RNF2: variants seen among roughly 807,000 people sequenced by gnomAD.
RNF2 encodes ring finger protein 2, also known as E3 ubiquitin-protein ligase RING2.
A neutral mutation model predicts 37.2 loss-of-function variants in RNF2; 6 were observed. That is an observed-to-expected ratio of 0.16 (90% CI 0.09 to 0.32). The LOEUF is 0.32. Ranked by LOEUF, RNF2 falls within the 10% of genes least tolerant of loss-of-function variation. The pLI, the probability that RNF2 is intolerant of heterozygous loss-of-function variation, is 1.00. For missense variants in RNF2, 251 were observed against 404.0 expected (o/e 0.62, Z 3.25); for synonymous variants, 133 against 132.7 (o/e 1.00, Z -0.02).
intron 1 of RNF2, among the ~76,000 whole-genome samples, chr1:185,062,274 T>C (rs1277131893): frequency 6.6e-6 from 1 of 152,212 alleles, no homozygotes; most frequent in Non-Finnish European, 1.5e-5. Context: ...AATCAGGCAA[T>C]CATTTATTGT....
chr1:185,095,379 A>G (rs1651883216), intron 4 of RNF2, among the ~76,000 whole-genome samples: 1 of 152,216 alleles, frequency 6.6e-6, no homozygotes, highest in African/African-American at 2.4e-5. Context: ...TTGTACTTAC[A>G]CTACTCTATT....
At chr1:185,055,918 A>T (rs1266367739) in intron 1 of RNF2, among the ~76,000 whole-genome samples, 3 of 152,162 alleles carry the variant, frequency 2.0e-5, no homozygotes, top group African/African-American at 7.2e-5. Context: ...GCTTTTTTTT[A>T]ATGTAGATAG....
At chr1:185,072,576 CAGA>C (rs1284870646) in intron 1 of RNF2, among the ~76,000 whole-genome samples, 1 of 151,852 alleles carries the variant, frequency 6.6e-6, no homozygotes, top group Non-Finnish European at 1.5e-5. Context: ...CCTTTCCAAG[CAGA>C]AGGACTAGCT....
intron 2 of RNF2, 30 bp from the exon 3 acceptor site, chr1:185,091,549 G>C (rs1651765515): frequency 6.2e-7 from 1 of 1,603,014 alleles, no homozygotes; most frequent in Non-Finnish European, 8.5e-7. Flanking sequence ...AAATTAAGTA[G>C]CTTTTAATTT....
At chr1:185,095,021 G>A (rs1326627269) in intron 4 of RNF2, among the ~76,000 whole-genome samples, 1 of 152,192 alleles carries the variant, frequency 6.6e-6, no homozygotes, top group African/African-American at 2.4e-5. Context: ...TAATTCTGGA[G>A]TGTAGTCAAG....
intron 1 of RNF2, among the ~76,000 whole-genome samples, chr1:185,061,532 A>G (rs761930070): frequency 2.0e-5 from 3 of 152,186 alleles, no homozygotes; most frequent in Non-Finnish European, 4.4e-5. Flanking sequence ...TGTTTCAAAT[A>G]CATATGCAAT....
At chr1:185,076,265 G>GTTTTTTTTT (rs1557967374) in intron 1 of RNF2, among the ~76,000 whole-genome samples, 2 of 39,540 alleles carry the variant, frequency 5.1e-5, no homozygotes, top group African/African-American at 8.2e-5. Flanking sequence ...TCTTTTATGG[G>GTTTTTTTTT]TTGTTTTTTT....
At chr1:185,071,883 G>T (rs1650986858) in intron 1 of RNF2, 1 of 152,374 alleles carries the variant, frequency 6.6e-6, no homozygotes, top group Non-Finnish European at 1.5e-5. Flanking sequence ...CCTCTTTGTT[G>T]GTTGTGCAGC....
At chr1:185,063,299 G>A (rs1264576544) in intron 1 of RNF2, among the ~76,000 whole-genome samples, 1 of 152,156 alleles carries the variant, frequency 6.6e-6, no homozygotes, top group Non-Finnish European at 1.5e-5. Flanking sequence ...TTAAACTGGG[G>A]GTGGATGAGG....
Position 185,064,690 on chromosome 1 carries a change from A to G in RNF2, c.-3+19041A>G, listed in dbSNP as rs1012621117. Reference sequence around the variant, plus strand: ...GAGCATCTTTATTGTTATCTTAATAATATTTTGTCTTCAAATCCATGAACA... The same window carrying G: ...GAGCATCTTTATTGTTATCTTAATAGTATTTTGTCTTCAAATCCATGAACA... On this transcript the variant is annotated intron_variant, in intron 1 of 6. Transcript: ENST00000367510. 2.2e-4 allele frequency among the ~76,000 whole-genome samples: 33 copies of G among 149,384 alleles called. No individual in the cohort carries two copies. The East Asian group carries it at 6.4e-3, about 29-fold the overall frequency.
chr1:185,050,048 A>G (rs1234131631), intron 1 of RNF2, among the ~76,000 whole-genome samples: 3 of 152,196 alleles, frequency 2.0e-5, no homozygotes, highest in African/African-American at 7.2e-5. Context: ...AGAGTCTGGG[A>G]GGGTAGTTTT....
intron 1 of RNF2, among the ~76,000 whole-genome samples, chr1:185,082,693 T>C (rs1651464354): frequency 2.0e-5 from 3 of 152,110 alleles, no homozygotes; most frequent in Admixed American, 2.0e-4. Flanking sequence ...GCCCTGTACG[T>C]TCGTTAGCAG....
intron 1 of RNF2, among the ~76,000 whole-genome samples, chr1:185,075,771 C>T (rs1156907968): frequency 6.6e-6 from 1 of 152,210 alleles, no homozygotes; most frequent in Non-Finnish European, 1.5e-5. Flanking sequence ...GATCCAGTCA[C>T]CTCCCACCAG....
rs368940635 is a variant in RNF2 at position 185,064,869 on chromosome 1, C to T, written c.-3+19220C>T. 6.9e-4 allele frequency among the ~76,000 whole-genome samples: 105 copies of T among 151,932 alleles called. No individual in the cohort carries two copies. The South Asian group carries it at 0.017, about 24-fold the overall frequency. On this transcript the variant is annotated intron_variant, in intron 1 of 6. Transcript: ENST00000367510. ...TGGAATTTTTTTTTAATTTCCTTTT[C>T]AGGTTGTTCATTGTTAGTGTATATG...
intron 1 of RNF2, among the ~76,000 whole-genome samples, chr1:185,074,393 C>G (rs942612495): frequency 9.2e-5 from 14 of 151,942 alleles, no homozygotes; most frequent in African/African-American, 3.4e-4. Context: ...TGTTCTGACC[C>G]TCTAATCTTG....
chr1:185,063,960 G>T (rs1466774883), intron 1 of RNF2, among the ~76,000 whole-genome samples: 4 of 152,218 alleles, frequency 2.6e-5, no homozygotes, highest in Non-Finnish European at 5.9e-5. Flanking sequence ...GATAATCCAG[G>T]ATAATCTCCC....
At chr1:185,098,498 C>CCT (rs977580572) in intron 5 of RNF2, among the ~76,000 whole-genome samples, 154 bp downstream of exon 5, 4 of 152,284 alleles carry the variant, frequency 2.6e-5, no homozygotes, top group African/African-American at 9.6e-5. Flanking sequence ...TTTCTTCCTT[C>CCT]CTCCCTCATG....
chr1:185,083,721 TCAGCCTCCTGAGTAGCTGGGACTC>T (rs976217807), intron 1 of RNF2, among the ~76,000 whole-genome samples: 16 of 151,606 alleles, frequency 1.1e-4, no homozygotes, highest in African/African-American at 3.9e-4. Flanking sequence ...CACTACAACC[TCAGCCTCCTGAGTAGCTGGGACTC>T]CAGGTGTGTG....
chr1:185,099,050 T>C (rs1651998935), intron 5 of RNF2, among the ~76,000 whole-genome samples: 1 of 138,410 alleles, frequency 7.2e-6, no homozygotes. Context: ...GTGCCCGGCC[T>C]CTTTTTTTTT....
Sources: allele counts gnomAD v4.1 joint callset (sites outside exome capture counted in the v4.1 genomes callset), GRCh38; gene constraint gnomAD v4.1.1; transcripts MANE v1.5; gene names NCBI Gene and HGNC (gene_info 2026-07-23, HGNC 2026-07-21).